KCTD1: variants seen among roughly 807,000 people sequenced by gnomAD.
The protein encoded by KCTD1 is potassium channel tetramerization domain containing 1, also known as BTB/POZ domain-containing protein KCTD1.
In KCTD1, 24 loss-of-function variants were observed where a neutral mutation model predicts 66.0. The observed-to-expected ratio is 0.36, with a 90% confidence interval of 0.26 to 0.51. The LOEUF (loss-of-function observed/expected upper bound fraction) is 0.51. Ranked by LOEUF, KCTD1 falls within the 20% of genes least tolerant of loss-of-function variation. The probability of loss-of-function intolerance (pLI) is 0.95; values close to 1 mark genes in which losing one functional copy is unlikely to be tolerated. For synonymous variants in KCTD1, 511 were observed against 517.2 expected, an observed-to-expected ratio of 0.99 and a Z score of 0.16; for missense variants, 943 against 1,205.2, an observed-to-expected ratio of 0.78 and a Z score of 3.22.
chr18:26,526,319 C>A (rs568197928), intron 1 of KCTD1, among the ~76,000 whole-genome samples: 181 of 152,310 alleles, frequency 1.2e-3, no homozygotes, highest in Non-Finnish European at 2.0e-3. Flanking sequence ...TCAAGGAATT[C>A]ATGAAATTCA....
chr18:26,585,636 G>A (rs1352742950), intron 1 of KCTD1, among the ~76,000 whole-genome samples: 1 of 152,120 alleles, frequency 6.6e-6, no homozygotes, highest in African/African-American at 2.4e-5. Context: ...CAGTTTAATG[G>A]TCCAAGTCAG....
chr18:26,582,744 A>C (rs1026694014), intron 1 of KCTD1, among the ~76,000 whole-genome samples: 14 of 152,200 alleles, frequency 9.2e-5, no homozygotes, highest in African/African-American at 3.1e-4. Flanking sequence ...ATGTGGAAGG[A>C]TCTCCAACAT....
chr18:26,630,463 G>A (rs1209200156), upstream of KCTD1, among the ~76,000 whole-genome samples: 1 of 152,086 alleles, frequency 6.6e-6, no homozygotes, highest in East Asian at 1.9e-4. Flanking sequence ...CTATAGGCAT[G>A]CCACCATGCC....
intron 1 of KCTD1, among the ~76,000 whole-genome samples, chr18:26,578,828 TACA>T (rs1004273482): frequency 1.3e-5 from 2 of 152,302 alleles, no homozygotes; most frequent in African/African-American, 2.4e-5. Flanking sequence ...TTGATCAAAT[TACA>T]CATCCACACT....
chr18:26,564,896 A>G (rs1985947013), intron 1 of KCTD1, among the ~76,000 whole-genome samples: 1 of 152,094 alleles, frequency 6.6e-6, no homozygotes, highest in African/African-American at 2.4e-5. Context: ...TCTCAAGAAA[A>G]AAAAAAAAAA....
chr18:26,648,335 A>T (rs866257443), intron 1 of KCTD1, among the ~76,000 whole-genome samples: 1 of 152,200 alleles, frequency 6.6e-6, no homozygotes, highest in African/African-American at 2.4e-5. Context: ...AAGACAATTT[A>T]AAAAATGTTT....
chr18:26,640,948 G>A (rs987515483), upstream of KCTD1, among the ~76,000 whole-genome samples: 2 of 152,124 alleles, frequency 1.3e-5, no homozygotes, highest in Non-Finnish European at 2.9e-5. Flanking sequence ...ATCTAGATCC[G>A]AGAGAGTAGC....
chr18:26,638,159 C>T (rs909650951), intron 1 of KCTD1, among the ~76,000 whole-genome samples: 3 of 152,148 alleles, frequency 2.0e-5, no homozygotes, highest in South Asian at 2.1e-4. Context: ...GCAAAAGCAC[C>T]GCAGCTTGTT....
At chr18:26,469,708 G>A (rs1001457707) in intron 3 of KCTD1, among the ~76,000 whole-genome samples, 5 of 152,134 alleles carry the variant, frequency 3.3e-5, no homozygotes, top group Non-Finnish European at 5.9e-5. Flanking sequence ...AATTTTGAAA[G>A]GAAGTGCATT....
intron 1 of KCTD1, among the ~76,000 whole-genome samples, chr18:26,656,999 C>T (rs1481518246): frequency 1.3e-5 from 2 of 149,104 alleles, no homozygotes; most frequent in Admixed American, 1.3e-4. Flanking sequence ...CTCCCAGAGC[C>T]ACGGCGGCTC....
At chr18:26,524,611 C>A (rs1598916985) in intron 1 of KCTD1, among the ~76,000 whole-genome samples, 1 of 152,082 alleles carries the variant, frequency 6.6e-6, no homozygotes, top group African/African-American at 2.4e-5. Context: ...AGCTGCCATA[C>A]ACCCAAACAT....
chr18:26,556,679 G>A (rs764021865), intron 1 of KCTD1, among the ~76,000 whole-genome samples: 1 of 152,078 alleles, frequency 6.6e-6, no homozygotes, highest in Non-Finnish European at 1.5e-5. Flanking sequence ...TAACACTCTC[G>A]ATTTCTTCTT....
intron 1 of KCTD1, among the ~76,000 whole-genome samples, chr18:26,654,465 C>T (rs7234868): frequency 0.096 from 14,614 of 152,070 alleles, 1,561 homozygotes; most frequent in African/African-American, 0.26. Flanking sequence ...AAATATGAAA[C>T]AAGCTATTAC....
intron 1 of KCTD1, among the ~76,000 whole-genome samples, chr18:26,639,288 C>A (rs758764184): frequency 6.6e-6 from 1 of 152,102 alleles, no homozygotes; most frequent in African/African-American, 2.4e-5. Flanking sequence ...CTGGAGAAGC[C>A]GGAGCCTAGA....
intron 1 of KCTD1, among the ~76,000 whole-genome samples, chr18:26,519,426 T>TA (rs1352320165): frequency 1.3e-5 from 2 of 152,182 alleles, no homozygotes; most frequent in Admixed American, 1.3e-4. Flanking sequence ...CGAGACAAAT[T>TA]AAAAAATATT....
intron 1 of KCTD1, among the ~76,000 whole-genome samples, chr18:26,584,778 T>C (rs1986435292): frequency 6.6e-6 from 1 of 152,088 alleles, no homozygotes; most frequent in South Asian, 2.1e-4. Flanking sequence ...CAAGAAAGGG[T>C]TCCTAGAGTA....
intron 2 of KCTD1, among the ~76,000 whole-genome samples, chr18:26,483,290 AG>A (rs1260278015): frequency 6.6e-6 from 1 of 152,108 alleles, no homozygotes; most frequent in Admixed American, 6.5e-5. Context: ...TTTGTTTGAG[AG>A]TGAGTCTCGC....
intron 1 of KCTD1, among the ~76,000 whole-genome samples, chr18:26,650,377 AGGAACT>A (rs1217373012): frequency 6.6e-6 from 1 of 152,244 alleles, no homozygotes; most frequent in Non-Finnish European, 1.5e-5. Flanking sequence ...CACTGTATTA[AGGAACT>A]GAGAAAGCAA....
At chr18:26,612,880 T>C (rs1987166775) in intron 1 of KCTD1, among the ~76,000 whole-genome samples, 1 of 152,158 alleles carries the variant, frequency 6.6e-6, no homozygotes, top group East Asian at 1.9e-4. Context: ...AAAACCAGTG[T>C]TGGTTTGGTT....
Sources: gnomAD v4.1 joint callset for allele counts (sites outside exome capture counted in the v4.1 genomes callset) on GRCh38, gnomAD v4.1.1 for gene constraint, MANE v1.5 for transcripts, NCBI Gene and HGNC (gene_info 2026-07-23, HGNC 2026-07-21) for gene names.